The following AGPAT3 variants were observed in gnomAD, a reference collection of about 807,000 sequenced individuals.
AGPAT3 encodes 1-acylglycerol-3-phosphate O-acyltransferase 3.
AGPAT3 carries 5 observed loss-of-function variants against 47.3 expected under a neutral mutation model. The observed-to-expected ratio is 0.11, with a 90% CI of 0.06 to 0.22. AGPAT3 has a LOEUF of 0.22. Among genes scored for constraint, AGPAT3 ranks in the 10% least tolerant of loss-of-function variants. The probability of loss-of-function intolerance (pLI) is 1.00; values close to 1 mark genes in which losing one functional copy is unlikely to be tolerated. For missense variants in AGPAT3, 315 were observed against 493.0 expected (o/e 0.64, Z 3.42); for synonymous variants, 212 against 208.3 (o/e 1.02, Z -0.15).
At chr21:43,951,905 G>A (rs1022863893) in intron 2 of AGPAT3, among the ~76,000 whole-genome samples, 1 of 152,192 alleles carries the variant, frequency 6.6e-6, no homozygotes, top group African/African-American at 2.4e-5. Flanking sequence ...CGGAAAGGTT[G>A]GGGATTTTGG....
At chr21:43,948,969 G>A (rs1211605794) in intron 2 of AGPAT3, among the ~76,000 whole-genome samples, 1 of 152,066 alleles carries the variant, frequency 6.6e-6, no homozygotes, top group East Asian at 1.9e-4. Context: ...CTCAATTGTT[G>A]GTCTGCATGT....
chr21:43,970,860 G>A lies in AGPAT3; in HGVS notation c.664+54G>A. ...CACCGCTATGCTCACGGAAAATAGTGATTTCTTTAAAAAAAAAAAAAATGA... is the reference window on the plus strand; with the variant it reads ...CACCGCTATGCTCACGGAAAATAGTAATTTCTTTAAAAAAAAAAAAAATGA... On this transcript the variant is annotated intron_variant, in intron 6 of 9. Coordinates refer to ENST00000291572, the MANE Select transcript of AGPAT3 (RefSeq NM_020132.5). This position sits in a 1 kb window ranked among gnomAD's most constrained non-coding sequence, Gnocchi z 5.8. The A allele has an allele frequency of 7.2e-7, 1 of 1,391,156 alleles. No individual in the cohort carries two copies. Among genetic ancestry groups the A allele is most frequent in the Non-Finnish European group, 9.3e-7 (1 of 1,071,290 alleles). The allele number at this position is 1,391,156 out of a possible 1,614,324, so 86.2% of individuals were successfully genotyped here.
chr21:43,913,638 T>A (rs2086671583), intron 2 of AGPAT3, among the ~76,000 whole-genome samples: 1 of 152,212 alleles, frequency 6.6e-6, no homozygotes. Flanking sequence ...TTGCGGCTAT[T>A]GTGGTCCTTA....
At chr21:43,884,046 T>G (rs2085911356) in intron 1 of AGPAT3, among the ~76,000 whole-genome samples, 1 of 152,182 alleles carries the variant, frequency 6.6e-6, no homozygotes, top group African/African-American at 2.4e-5. Context: ...CTGGTCTGTT[T>G]GTGATGGGTG....
chr21:43,888,398 GAT>G (rs10589486), intron 1 of AGPAT3, among the ~76,000 whole-genome samples: 124,947 of 151,566 alleles, frequency 0.82, 51,709 homozygotes, highest in South Asian at 0.9. Flanking sequence ...TTTTGTGTAG[GAT>G]ATATATATAT....
Position 43,921,730 on chromosome 21 carries a change from G to A in AGPAT3, c.-49+17711G>A, listed in dbSNP as rs76962064. Among the ~76,000 whole-genome samples the A allele has an allele frequency of 9.7e-3, 1,480 of 152,310 alleles. 32 individuals carry two copies. Among genetic ancestry groups the A allele is most frequent in the African/African-American group, 0.034 (1,396 of 41,552 alleles). ...TTCGCTGGGTCCGCAATCAAAAGCC[G>A]GGGTTGGTGGTGGTTCTTTTGTTAA... On this transcript the variant is annotated intron_variant, in intron 2 of 9. Coordinates refer to ENST00000291572, the MANE Select transcript of AGPAT3 (RefSeq NM_020132.5).
intron 2 of AGPAT3, among the ~76,000 whole-genome samples, chr21:43,906,878 G>A (rs539499658): frequency 1.6e-4 from 25 of 152,348 alleles, no homozygotes; most frequent in Middle Eastern, 6.8e-3. Flanking sequence ...TGGAAGAAGC[G>A]CAGTGGGTCA....
chr21:43,891,460 T>C (rs1423134029), intron 1 of AGPAT3, among the ~76,000 whole-genome samples: 2 of 152,182 alleles, frequency 1.3e-5, no homozygotes, highest in African/African-American at 4.8e-5. Flanking sequence ...AGTGAAACCC[T>C]GTCTCTACTA....
At chr21:43,944,934 G>A (rs1182450870) in intron 2 of AGPAT3, among the ~76,000 whole-genome samples, 3 of 152,240 alleles carry the variant, frequency 2.0e-5, no homozygotes, top group African/African-American at 7.2e-5. Context: ...CAGCCCGCCT[G>A]GAGACATCAT....
At chr21:43,971,517 G>C (rs373880358) in intron 7 of AGPAT3, 27 bp downstream of exon 7, 1 of 1,607,110 alleles carries the variant, frequency 6.2e-7, no homozygotes, top group Non-Finnish European at 8.5e-7. Flanking sequence ...TGGCTCTCGC[G>C]CCGCCCCCCA....
intron 2 of AGPAT3, among the ~76,000 whole-genome samples, chr21:43,914,934 C>T (rs1269927970): frequency 2.0e-5 from 3 of 152,184 alleles, no homozygotes; most frequent in African/African-American, 7.2e-5. Flanking sequence ...TCCATGGCCA[C>T]ACTTTATAAT....
At chr21:43,978,292 GT>G (rs574396945) in intron 8 of AGPAT3, among the ~76,000 whole-genome samples, 171 bp downstream of exon 8, 1 of 139,570 alleles carries the variant, frequency 7.2e-6, no homozygotes, top group African/African-American at 3.2e-5. Context: ...GTTTTGTTTT[GT>G]TTTTGTTTTT....
Position 43,970,831 on chromosome 21 carries a change from G to C in AGPAT3, c.664+25G>C, listed in dbSNP as rs572490187. The C allele has an allele frequency of 2.8e-5, 43 of 1,510,580 alleles. No individual in the cohort carries two copies. Among genetic ancestry groups the C allele is most frequent in the Admixed American group, 1.3e-4 (6 of 46,074 alleles). 93.6% of individuals were successfully genotyped at this position (1,510,580 alleles called of 1,614,324 possible). Reference sequence around the variant, plus strand: ...GGTAGGCCCCAGACTGCCCGAGCCGGGGCCACCGCTATGCTCACGGAAAAT... The same window carrying C: ...GGTAGGCCCCAGACTGCCCGAGCCGCGGCCACCGCTATGCTCACGGAAAAT... On this transcript the variant is annotated intron_variant, in intron 6 of 9. Transcript: ENST00000291572. The surrounding 1 kb of genome is among the most constrained non-coding windows in gnomAD (Gnocchi z 5.8).
intron 7 of AGPAT3, among the ~76,000 whole-genome samples, chr21:43,973,048 A>G (rs896043324): frequency 6.6e-6 from 1 of 152,228 alleles, no homozygotes; most frequent in African/African-American, 2.4e-5. Context: ...AAACGAAGCA[A>G]AACGACACCA....
At chr21:43,909,562 C>T (rs1186683706) in intron 2 of AGPAT3, among the ~76,000 whole-genome samples, 3 of 152,256 alleles carry the variant, frequency 2.0e-5, no homozygotes, top group Non-Finnish European at 4.4e-5. Context: ...TTCCAAAGTG[C>T]TGGGATTCCA....
rs185134274 is a variant in AGPAT3, at chr21:43,975,922, G to T, written c.768-2124G>T. ...AGGGAAGAGGCAGCATTGAGCACCCGCTGTTAAGATGCTCCCTTACGGAAG... is the reference window on the plus strand; with the variant it reads ...AGGGAAGAGGCAGCATTGAGCACCCTCTGTTAAGATGCTCCCTTACGGAAG... On this transcript the variant is annotated intron_variant, in intron 7 of 9. Transcript: ENST00000291572. Among the ~76,000 whole-genome samples, 1,120 of 151,878 alleles carry T rather than the reference G, an allele frequency of 7.4e-3. 9 individuals carry two copies. Among genetic ancestry groups the T allele is most frequent in the Non-Finnish European group, 9.6e-3 (651 of 67,968 alleles).
chr21:43,946,259 C>G (rs1601385988), intron 2 of AGPAT3, among the ~76,000 whole-genome samples: 1 of 152,292 alleles, frequency 6.6e-6, no homozygotes, highest in East Asian at 1.9e-4. Context: ...CCAGCAGAAA[C>G]CAGAATTCCA....
intron 2 of AGPAT3, among the ~76,000 whole-genome samples, chr21:43,944,001 A>G (rs1173460925): frequency 6.6e-6 from 1 of 152,180 alleles, no homozygotes; most frequent in East Asian, 1.9e-4. Context: ...TGCCTCGGGA[A>G]GCAAGGGTCC....
chr21:43,968,062 G>A lies in AGPAT3; in HGVS notation c.295G>A (p.Glu99Lys). ...AGTCATCATCCTCAACCACAACTTC[G>A]AGATCGACTTCCTCTGTGGGTGGAC... ...HAVIILNHNF[E>K]IDFLCGWTMC... is the part of the protein sequence containing the mutation. The change falls in exon 4 of 10, where the codon GAG becomes AAG. Residue 99 changes from glutamate to lysine, a missense_variant. Coordinates refer to ENST00000291572, the MANE Select transcript of AGPAT3 (RefSeq NM_020132.5). 1 of 1,613,896 alleles carries A rather than the reference G, an allele frequency of 6.2e-7. No homozygotes were observed. Among genetic ancestry groups the A allele is most frequent in the Non-Finnish European group, 8.5e-7 (1 of 1,180,002 alleles).
Sources: gnomAD v4.1 joint callset for allele counts (sites outside exome capture counted in the v4.1 genomes callset) on GRCh38, gnomAD v4.1.1 for gene constraint, Gnocchi (gnomAD v3.1) non-coding constraint, MANE v1.5 for transcripts, NCBI Gene and HGNC (gene_info 2026-07-23, HGNC 2026-07-21) for gene names.